The following SLCO5A1 variants were observed in gnomAD, a reference collection of about 807,000 sequenced individuals.
SLCO5A1 encodes solute carrier organic anion transporter family member 5A1, also known as organic anion transporter polypeptide-related protein 4.
SLCO5A1 carries 39 observed loss-of-function variants against 65.1 expected under a neutral mutation model. The ratio of observed to expected loss-of-function variants is 0.60; its 90% CI spans 0.46 to 0.78. The LOEUF is 0.78. Ranked by LOEUF, SLCO5A1 falls within the 30% of genes least tolerant of loss-of-function variation. The probability of loss-of-function intolerance (pLI) is 0.00; values close to 1 mark genes in which losing one functional copy is unlikely to be tolerated. For synonymous variants in SLCO5A1, 438 were observed against 415.7 expected, an observed-to-expected ratio of 1.05 and a Z score of -0.65; for missense variants, 1,029 against 1,069.4, an observed-to-expected ratio of 0.96 and a Z score of 0.53.
chr8:69,750,067 A>G (rs1325210513), intron 4 of SLCO5A1, among the ~76,000 whole-genome samples: 1 of 152,226 alleles, frequency 6.6e-6, no homozygotes, highest in African/African-American at 2.4e-5. Flanking sequence ...GGGCTGAAGC[A>G]GAACACACAA....
intron 6 of SLCO5A1, among the ~76,000 whole-genome samples, chr8:69,684,650 A>T (rs1813930898): frequency 6.6e-6 from 1 of 152,138 alleles, no homozygotes; most frequent in African/African-American, 2.4e-5. Flanking sequence ...GTGGGTATAA[A>T]TATAGCCAGC....
At chr8:69,784,908 A>AGG (rs1818976284) in intron 2 of SLCO5A1, among the ~76,000 whole-genome samples, 1 of 82,604 alleles carries the variant, frequency 1.2e-5, no homozygotes, top group African/African-American at 6.7e-5. Context: ...GAAAGAAAGA[A>AGG]AGAAAGAAAG....
At chr8:69,822,506 A>G (rs1481664897) in intron 2 of SLCO5A1, among the ~76,000 whole-genome samples, 2 of 152,202 alleles carry the variant, frequency 1.3e-5, no homozygotes, top group Non-Finnish European at 2.9e-5. Flanking sequence ...CTCCTATACA[A>G]TGTTTTAATT....
At position 69,743,179 on chromosome 8, in the gene SLCO5A1, A is replaced by T. The variant is rs1382999232; in HGVS notation, c.1259-4975T>A. 2.0e-5 allele frequency among the ~76,000 whole-genome samples: 3 copies of T among 152,282 alleles called. No homozygotes were observed. The East Asian group carries it at 5.8e-4, about 29-fold the overall frequency. ...CAGTCTCACTGAGGGCAGAGGCCGT[A>T]ATTTATTCTCCAAACCTACTGATCA... On this transcript the variant is annotated intron_variant, in intron 4 of 9. Transcript: ENST00000260126.
Position 69,669,083 on chromosome 8 carries a change from C to T in SLCO5A1, c.*3786G>A, listed in dbSNP as rs959621409. 5.3e-5 allele frequency: 8 copies of T among 151,964 alleles called. No homozygotes were observed. Among genetic ancestry groups the T allele is most frequent in the African/African-American group, 1.7e-4 (7 of 41,358 alleles). 9.4% of individuals were successfully genotyped at this position (151,964 alleles called of 1,614,324 possible). A position where few individuals can be genotyped will look rare whatever the true frequency, so the allele number is the denominator to read the frequency against. ...TAATGTTTCATTTCAGAAACTCTGCCGAGACCCGATGTTAACACGAAGACT... is the reference window on the plus strand; with the variant it reads ...TAATGTTTCATTTCAGAAACTCTGCTGAGACCCGATGTTAACACGAAGACT... On this transcript the variant is annotated 3_prime_UTR_variant, in exon 10 of 10. Transcript: ENST00000260126.
chr8:69,797,638 G>A (rs377752850), intron 2 of SLCO5A1, among the ~76,000 whole-genome samples: 99 of 152,292 alleles, frequency 6.5e-4, no homozygotes, highest in East Asian at 4.0e-3. Context: ...GGGGGTGGCC[G>A]TCTTTTATGG....
At chr8:69,677,913 C>A (rs1420339674) in intron 8 of SLCO5A1, among the ~76,000 whole-genome samples, 2 of 151,908 alleles carry the variant, frequency 1.3e-5, no homozygotes, top group African/African-American at 4.8e-5. Context: ...CCCCCTAATC[C>A]CCCCTAATCC....
intron 2 of SLCO5A1, among the ~76,000 whole-genome samples, chr8:69,772,680 A>T (rs972380852): frequency 6.6e-6 from 1 of 151,698 alleles, no homozygotes; most frequent in African/African-American, 2.4e-5. Context: ...GGAGCTCCTA[A>T]CCGTGGTCAG....
intron 2 of SLCO5A1, among the ~76,000 whole-genome samples, chr8:69,765,991 G>T (rs1818045549): frequency 6.6e-6 from 1 of 152,154 alleles, no homozygotes; most frequent in South Asian, 2.1e-4. Context: ...AAGGTTTTAA[G>T]CACTTATCTT....
At chr8:69,748,854 A>G (rs1586754468) in intron 4 of SLCO5A1, among the ~76,000 whole-genome samples, 1 of 152,096 alleles carries the variant, frequency 6.6e-6, no homozygotes, top group East Asian at 1.9e-4. Flanking sequence ...GGGCCTAAAG[A>G]CCTGGGTTTT....
intron 2 of SLCO5A1, among the ~76,000 whole-genome samples, chr8:69,800,561 A>G (rs571075384): frequency 1.4e-4 from 21 of 152,282 alleles, no homozygotes; most frequent in African/African-American, 5.1e-4. Context: ...TTTCTTTTAC[A>G]TAATTATTTA....
intron 7 of SLCO5A1, among the ~76,000 whole-genome samples, chr8:69,680,242 C>T (rs1813710509): frequency 6.6e-6 from 1 of 152,178 alleles, no homozygotes; most frequent in South Asian, 2.1e-4. Flanking sequence ...TCACCCAAAT[C>T]ATGAGCATAG....
At chr8:69,733,743 G>A (rs186196971) in intron 5 of SLCO5A1, among the ~76,000 whole-genome samples, 18 of 152,260 alleles carry the variant, frequency 1.2e-4, no homozygotes, top group African/African-American at 4.1e-4. Context: ...CACTATGTAA[G>A]ACGTGCCTCT....
At chr8:69,828,262 A>AT (rs138592070) in intron 2 of SLCO5A1, among the ~76,000 whole-genome samples, 55 of 139,760 alleles carry the variant, frequency 3.9e-4, no homozygotes, top group South Asian at 8.9e-4. Flanking sequence ...CGCATTCATC[A>AT]TTTTTTTTTT....
chr8:69,785,978 T>A (rs556940469), intron 2 of SLCO5A1, among the ~76,000 whole-genome samples: 1 of 152,350 alleles, frequency 6.6e-6, no homozygotes, highest in African/African-American at 2.4e-5. Context: ...AAATACACTA[T>A]GTGAAATTTT....
chr8:69,737,094 G>A (rs1816594141), intron 5 of SLCO5A1, among the ~76,000 whole-genome samples: 1 of 152,112 alleles, frequency 6.6e-6, no homozygotes, highest in South Asian at 2.1e-4. Flanking sequence ...GCTATCCTGG[G>A]CCCACAACCC....
At chr8:69,778,613 C>A (rs1818671880) in intron 2 of SLCO5A1, among the ~76,000 whole-genome samples, 1 of 151,976 alleles carries the variant, frequency 6.6e-6, no homozygotes, top group African/African-American at 2.4e-5. Flanking sequence ...TTAAAATAAG[C>A]AAAAAAATTA....
At chr8:69,753,841 T>C (rs1027076844) in intron 4 of SLCO5A1, among the ~76,000 whole-genome samples, 2 of 144,668 alleles carry the variant, frequency 1.4e-5, no homozygotes, top group African/African-American at 2.7e-5. Flanking sequence ...TGGAATACCA[T>C]CTCTGCTAAA....
intron 4 of SLCO5A1, among the ~76,000 whole-genome samples, chr8:69,745,564 T>C (rs1377690587): frequency 6.6e-6 from 1 of 152,168 alleles, no homozygotes; most frequent in Non-Finnish European, 1.5e-5. Context: ...TTATGAGTAT[T>C]AAATACCAAA....
Sources: allele counts gnomAD v4.1 joint callset (sites outside exome capture counted in the v4.1 genomes callset), GRCh38; gene constraint gnomAD v4.1.1; transcripts MANE v1.5; gene names NCBI Gene and HGNC (gene_info 2026-07-23, HGNC 2026-07-21).